Variants in EBF1 observed in about 807,000 individuals in gnomAD.
The protein encoded by EBF1 is transcription factor COE1.
EBF1 carries 10 observed loss-of-function variants against 68.4 expected under a neutral mutation model. The observed-to-expected ratio is 0.15, with a 90% CI of 0.09 to 0.25. The LOEUF is 0.25. Ranked by LOEUF, EBF1 falls within the 10% of genes least tolerant of loss-of-function variation. The probability of loss-of-function intolerance (pLI) is 1.00; values close to 1 mark genes in which losing one functional copy is unlikely to be tolerated. For synonymous variants in EBF1, 298 were observed against 299.8 expected, an observed-to-expected ratio of 0.99 and a Z score of 0.06; for missense variants, 509 against 794.4, an observed-to-expected ratio of 0.64 and a Z score of 4.32.
intron 9 of EBF1, among the ~76,000 whole-genome samples, chr5:158,782,010 C>A (rs1022194851): frequency 6.6e-6 from 1 of 152,194 alleles, no homozygotes; most frequent in African/African-American, 2.4e-5. Flanking sequence ...AGGCACACTT[C>A]CCACTTTGCT....
chr5:159,040,154 G>A (rs561815595), intron 6 of EBF1, among the ~76,000 whole-genome samples: 1 of 152,256 alleles, frequency 6.6e-6, no homozygotes, highest in East Asian at 1.9e-4. Context: ...CCAAAACAAA[G>A]CTGACCCTGG....
intron 4 of EBF1, 91 bp downstream of exon 4, chr5:159,095,529 C>A (rs1782440498): frequency 6.7e-7 from 1 of 1,481,884 alleles, no homozygotes; most frequent in Non-Finnish European, 9.3e-7. Context: ...GAGTTAGAGT[C>A]CCAGCCCACC....
At chr5:159,057,352 C>T (rs1403257433) in intron 6 of EBF1, among the ~76,000 whole-genome samples, 1 of 152,146 alleles carries the variant, frequency 6.6e-6, no homozygotes, top group Non-Finnish European at 1.5e-5. Flanking sequence ...GGTGATCCAC[C>T]TGCCTCAGCC....
intron 10 of EBF1, among the ~76,000 whole-genome samples, chr5:158,745,365 T>C (rs1767326409): frequency 6.6e-6 from 1 of 152,198 alleles, no homozygotes; most frequent in African/African-American, 2.4e-5. Context: ...TAATACCTAC[T>C]GTGACGATAA....
chr5:159,033,984 T>A lies in EBF1; in HGVS notation c.554+39412A>T, dbSNP rs186631231. Among the ~76,000 whole-genome samples the A allele has an allele frequency of 5.3e-5, 8 of 152,326 alleles. 1 individual carries two copies. Among genetic ancestry groups the A allele is most frequent in the Admixed American group, 4.6e-4 (7 of 15,310 alleles). On this transcript the variant is annotated intron_variant, in intron 6 of 15. Coordinates refer to ENST00000313708, the MANE Select transcript of EBF1 (RefSeq NM_024007.5). ...TGGGCTTAGATGTCATCACTATTAT[T>A]ACATCTGTTATTATAATATGTAGTG...
At chr5:158,937,830 AT>A (rs1812384931) in intron 6 of EBF1, among the ~76,000 whole-genome samples, 1 of 152,170 alleles carries the variant, frequency 6.6e-6, no homozygotes, top group Non-Finnish European at 1.5e-5. Flanking sequence ...GTCAAGATGT[AT>A]TTCATCAGGC....
At chr5:158,714,067 C>T (rs766830246) in intron 12 of EBF1, 50 bp downstream of exon 12, 1 of 1,589,556 alleles carries the variant, frequency 6.3e-7, no homozygotes, top group South Asian at 1.1e-5. Flanking sequence ...AATCTGAGAT[C>T]TTTAATTGCA....
At chr5:158,827,470 A>G (rs920781179) in intron 7 of EBF1, among the ~76,000 whole-genome samples, 2 of 152,220 alleles carry the variant, frequency 1.3e-5, no homozygotes, top group Non-Finnish European at 1.5e-5. Context: ...ATGAAACCTT[A>G]CTATTCTGAA....
rs562397970 is a variant in EBF1 at position 158,806,176 on chromosome 5, G to T, written c.779-9701C>A. Among the ~76,000 whole-genome samples the T allele has an allele frequency of 2.2e-3, 334 of 152,238 alleles. 3 individuals carry two copies. Among genetic ancestry groups the T allele is most frequent in the African/African-American group, 7.9e-3 (327 of 41,550 alleles). On this transcript the variant is annotated intron_variant, in intron 8 of 15. Coordinates refer to ENST00000313708, the MANE Select transcript of EBF1 (RefSeq NM_024007.5). ...CCATTAAGCCAGAGCTTGGTAGATG[G>T]CTCTGGGTTTCAACTCTATGACAAA...
At chr5:158,892,472 A>T (rs1476324061) in intron 6 of EBF1, among the ~76,000 whole-genome samples, 1 of 152,122 alleles carries the variant, frequency 6.6e-6, no homozygotes, top group African/African-American at 2.4e-5. Context: ...CTGGATGACG[A>T]AACAAAAAAA....
At chr5:158,995,407 T>C (rs1256025533) in intron 6 of EBF1, among the ~76,000 whole-genome samples, 1 of 152,220 alleles carries the variant, frequency 6.6e-6, no homozygotes, top group Non-Finnish European at 1.5e-5. Context: ...GACGCTCATA[T>C]GCTTGGCTTA....
intron 6 of EBF1, among the ~76,000 whole-genome samples, chr5:158,985,523 AATG>A: frequency 6.6e-6 from 1 of 152,370 alleles, no homozygotes; most frequent in Admixed American, 6.5e-5. Context: ...CATTGGGAGA[AATG>A]ATCTCTAAAA....
chr5:158,948,649 T>C (rs1815343469), intron 6 of EBF1, among the ~76,000 whole-genome samples: 1 of 152,168 alleles, frequency 6.6e-6, no homozygotes, highest in African/African-American at 2.4e-5. Flanking sequence ...AATTAAAGCC[T>C]GAGAAGAGGC....
intron 6 of EBF1, among the ~76,000 whole-genome samples, chr5:158,856,480 G>A (rs1490125929): frequency 2.0e-5 from 3 of 152,154 alleles, no homozygotes; most frequent in African/African-American, 7.2e-5. Context: ...GTGATTCTTA[G>A]CCAAGATGAC....
chr5:158,985,684 T>C (rs1013590475), intron 6 of EBF1: 3 of 152,270 alleles, frequency 2.0e-5, no homozygotes, highest in Non-Finnish European at 4.4e-5. Context: ...ATTTTGCTGA[T>C]GTGACATCTC....
chr5:158,853,361 T>C (rs1793353583), intron 6 of EBF1, among the ~76,000 whole-genome samples: 1 of 152,238 alleles, frequency 6.6e-6, no homozygotes, highest in African/African-American at 2.4e-5. Context: ...TCAGGCTCTA[T>C]CTGAGCTAGT....
intron 6 of EBF1, among the ~76,000 whole-genome samples, chr5:158,933,034 G>A (rs1811223372): frequency 6.6e-6 from 1 of 152,040 alleles, no homozygotes; most frequent in Admixed American, 6.5e-5. Flanking sequence ...TCCTTTCACT[G>A]GGCTTAGGAT....
At position 158,697,543 on chromosome 5, in the gene EBF1, A is replaced by T. The variant is rs968703436; in HGVS notation, c.*1568T>A. 9.6e-6 allele frequency: 2 copies of T among 207,704 alleles called. No homozygotes were observed. Among genetic ancestry groups the T allele is most frequent in the African/African-American group, 4.6e-5 (2 of 43,900 alleles). 12.9% of individuals were successfully genotyped at this position (207,704 alleles called of 1,614,324 possible). ...AGGAAGAAGGGAAAAGCAATGTACA[A>T]ATTCGAAAGATAAATACATTATTTA... On this transcript the variant is annotated 3_prime_UTR_variant, in exon 16 of 16. Transcript: ENST00000313708.
At chr5:158,863,419 G>A (rs1458877659) in intron 6 of EBF1, among the ~76,000 whole-genome samples, 1 of 152,200 alleles carries the variant, frequency 6.6e-6, no homozygotes, top group Non-Finnish European at 1.5e-5. Context: ...GAATGAGAGA[G>A]TAAGATCCTC....
Sources: allele counts gnomAD v4.1 joint callset (sites outside exome capture counted in the v4.1 genomes callset), GRCh38; gene constraint gnomAD v4.1.1; transcripts MANE v1.5; gene names NCBI Gene and HGNC (gene_info 2026-07-23, HGNC 2026-07-21).